The following OPCML variants were observed in gnomAD, a reference collection of about 807,000 sequenced individuals.
OPCML encodes the protein opioid-binding protein/cell adhesion molecule.
Under a neutral mutation model 37.8 loss-of-function variants are expected in OPCML, and 13 were observed. The ratio of observed to expected loss-of-function variants is 0.34; its 90% CI spans 0.22 to 0.55. The LOEUF (loss-of-function observed/expected upper bound fraction) is 0.55. Ranked by LOEUF, OPCML falls within the 20% of genes least tolerant of loss-of-function variation. The pLI is 0.91. For missense variants in OPCML, 341 were observed against 435.6 expected (o/e 0.78, Z 1.93); for synonymous variants, 176 against 168.8 (o/e 1.04, Z -0.33).
rs114237161 is a variant in OPCML at position 132,893,338 on chromosome 11, C to T, written c.146+49588G>A. Among the ~76,000 whole-genome samples, 486 of 152,334 alleles carry T rather than the reference C, an allele frequency of 3.2e-3. 4 individuals carry two copies. The highest frequency in any genetic ancestry group is 0.011 in the African/African-American group (454 of 41,574). On this transcript the variant is annotated intron_variant, in intron 2 of 7. Coordinates refer to ENST00000524381, the MANE Select transcript of OPCML (RefSeq NM_001012393.5). Reference sequence around the variant, plus strand: ...AGCCATCATCCTCGGGAAATACAGACGCTTGACCATGGCTGTGAGAAGTGC... The same window carrying T: ...AGCCATCATCCTCGGGAAATACAGATGCTTGACCATGGCTGTGAGAAGTGC...
chr11:133,389,441 C>T (rs902364236), intron 1 of OPCML, among the ~76,000 whole-genome samples: 2 of 152,140 alleles, frequency 1.3e-5, no homozygotes, highest in Admixed American at 1.3e-4. Context: ...TTAAGGCATC[C>T]TCTTTGAGCT....
chr11:133,495,459 G>A (rs1947764755), intron 1 of OPCML, among the ~76,000 whole-genome samples: 1 of 152,184 alleles, frequency 6.6e-6, no homozygotes, highest in Non-Finnish European at 1.5e-5. Context: ...TCTACTTTTA[G>A]TTCTTTAAGG....
chr11:133,387,087 A>G (rs1278205864), intron 1 of OPCML, among the ~76,000 whole-genome samples: 1 of 152,228 alleles, frequency 6.6e-6, no homozygotes, highest in African/African-American at 2.4e-5. Context: ...TAGCCTGTAC[A>G]AATGTTCCTC....
At chr11:132,667,401 G>C (rs1200571614) in intron 2 of OPCML, among the ~76,000 whole-genome samples, 1 of 152,148 alleles carries the variant, frequency 6.6e-6, no homozygotes, top group Non-Finnish European at 1.5e-5. Context: ...ACTTTGAGTA[G>C]CCTGATTTTA....
intron 2 of OPCML, among the ~76,000 whole-genome samples, chr11:132,782,919 A>ATG (rs563786335): frequency 3.3e-5 from 3 of 89,728 alleles, no homozygotes; most frequent in South Asian, 3.1e-4. Context: ...TAGTGTGTGT[A>ATG]TATATATATA....
At chr11:133,057,519 T>C (rs1201165102) in intron 1 of OPCML, among the ~76,000 whole-genome samples, 1 of 152,146 alleles carries the variant, frequency 6.6e-6, no homozygotes, top group Non-Finnish European at 1.5e-5. Flanking sequence ...GTGTGGCCAG[T>C]AGAATTCTCC....
At chr11:133,355,676 C>T (rs751716947) in intron 1 of OPCML, among the ~76,000 whole-genome samples, 44 of 152,146 alleles carry the variant, frequency 2.9e-4, no homozygotes, top group African/African-American at 9.7e-4. Flanking sequence ...TTTCAGTCAT[C>T]GCTTCAGCTC....
chr11:133,317,059 G>A lies in OPCML; in HGVS notation c.61+215205C>T, dbSNP rs193115872. 8.3e-4 allele frequency among the ~76,000 whole-genome samples: 127 copies of A among 152,276 alleles called. 1 individual carries two copies. The highest frequency in any genetic ancestry group is 2.7e-3 in the African/African-American group (113 of 41,568). On this transcript the variant is annotated intron_variant, in intron 1 of 7. Coordinates refer to ENST00000524381, the MANE Select transcript of OPCML (RefSeq NM_001012393.5). Reference sequence around the variant, plus strand: ...CTAAAAATACAAAAATTAGCTGGGCGTGGTGGCGAATGCCTGTAGTCCCAG... The same window carrying A: ...CTAAAAATACAAAAATTAGCTGGGCATGGTGGCGAATGCCTGTAGTCCCAG...
At chr11:132,777,233 A>T (rs1369809511) in intron 2 of OPCML, among the ~76,000 whole-genome samples, 1 of 152,216 alleles carries the variant, frequency 6.6e-6, no homozygotes, top group Non-Finnish European at 1.5e-5. Context: ...TTACTTGCTC[A>T]TTCCAGGAAG....
intron 1 of OPCML, among the ~76,000 whole-genome samples, chr11:133,268,787 A>G (rs892091142): frequency 6.6e-6 from 1 of 152,228 alleles, no homozygotes; most frequent in African/African-American, 2.4e-5. Context: ...TAGAGATAGA[A>G]GACCTTTGAG....
At chr11:132,780,989 A>G (rs916067808) in intron 2 of OPCML, among the ~76,000 whole-genome samples, 12 of 152,008 alleles carry the variant, frequency 7.9e-5, no homozygotes, top group African/African-American at 2.2e-4. Context: ...ATATTTTTTC[A>G]TTGATTTATC....
intron 1 of OPCML, among the ~76,000 whole-genome samples, chr11:133,103,223 T>C (rs1389690797): frequency 6.6e-6 from 1 of 152,218 alleles, no homozygotes; most frequent in Non-Finnish European, 1.5e-5. Flanking sequence ...TTAGTACTTA[T>C]TCTATTTGAT....
At chr11:132,950,416 T>G (rs1160159199) in intron 1 of OPCML, among the ~76,000 whole-genome samples, 1 of 152,176 alleles carries the variant, frequency 6.6e-6, no homozygotes, top group Non-Finnish European at 1.5e-5. Flanking sequence ...TAGCTGCATT[T>G]TACAACTACC....
At chr11:132,651,253 G>A (rs1941414067) in intron 3 of OPCML, among the ~76,000 whole-genome samples, 1 of 152,156 alleles carries the variant, frequency 6.6e-6, no homozygotes, top group African/African-American at 2.4e-5. Context: ...CCGGTCTTGG[G>A]TGTTGCTTTG....
intron 2 of OPCML, among the ~76,000 whole-genome samples, chr11:132,728,782 G>A (rs1944973949): frequency 6.6e-6 from 1 of 152,146 alleles, no homozygotes. Context: ...CTGAAAGGTA[G>A]ACATTCCTGA....
intron 7 of OPCML, chr11:132,435,257 T>A (rs555708975): frequency 1.6e-6 from 2 of 1,288,900 alleles, no homozygotes; most frequent in African/African-American, 3.0e-5. Flanking sequence ...ACATTTCAGA[T>A]GGTTGGTGGA....
intron 3 of OPCML, among the ~76,000 whole-genome samples, chr11:132,601,313 C>A (rs144016275): frequency 1.3e-5 from 2 of 152,140 alleles, no homozygotes; most frequent in African/African-American, 4.8e-5. Flanking sequence ...ATAGAGCTCC[C>A]CATTTTGAAG....
At chr11:133,155,928 A>G (rs961807912) in intron 1 of OPCML, among the ~76,000 whole-genome samples, 2 of 152,088 alleles carry the variant, frequency 1.3e-5, no homozygotes, top group African/African-American at 2.4e-5. Context: ...CCTACTGAGT[A>G]TCTCTCAAAT....
At chr11:132,506,710 C>A (rs563906494) in intron 4 of OPCML, among the ~76,000 whole-genome samples, 1 of 152,182 alleles carries the variant, frequency 6.6e-6, no homozygotes, top group African/African-American at 2.4e-5. Flanking sequence ...AAATATAAAT[C>A]TAACCACCAC....
Sources: gnomAD v4.1 joint callset for allele counts (sites outside exome capture counted in the v4.1 genomes callset) on GRCh38, gnomAD v4.1.1 for gene constraint, MANE v1.5 for transcripts, NCBI Gene and HGNC (gene_info 2026-07-23, HGNC 2026-07-21) for gene names.